LZTFL1: variants seen among roughly 807,000 people sequenced by gnomAD.
The protein encoded by LZTFL1 is leucine zipper transcription factor like 1.
In LZTFL1, 25 loss-of-function variants were observed where a neutral mutation model predicts 45.9. The observed-to-expected ratio is 0.54, with a 90% CI of 0.40 to 0.76. The LOEUF (loss-of-function observed/expected upper bound fraction) is 0.76. Among genes scored for constraint, LZTFL1 ranks in the 30% least tolerant of loss-of-function variants. LZTFL1 has a pLI of 0.00. For synonymous variants in LZTFL1, 93 were observed against 117.4 expected, an observed-to-expected ratio of 0.79 and a Z score of 1.35; for missense variants, 277 against 331.1, an observed-to-expected ratio of 0.84 and a Z score of 1.27.
Position 45,913,193 on chromosome 3 carries a change from A to G in LZTFL1, c.-272-16T>C, listed in dbSNP as rs144489761. The G allele has an allele frequency of 1.4e-4, 208 of 1,494,594 alleles. 1 individual carries two copies. The East Asian group carries it at 4.9e-3, about 35-fold the overall frequency. The allele number at this position is 1,494,594 out of a possible 1,614,324, so 92.6% of individuals were successfully genotyped here. On this transcript the variant is annotated splice_polypyrimidine_tract_variant and intron_variant, in intron 1 of 4. Coordinates refer to the LZTFL1 transcript ENST00000472635. ...CAGCAAGAGCCTAGAAAATTATACA[A>G]TTACACAAATTAAACAATGCTACTA...
chr3:45,848,193 T>C (rs567617014), intron 4 of LZTFL1, among the ~76,000 whole-genome samples: 1 of 152,360 alleles, frequency 6.6e-6, no homozygotes, highest in Admixed American at 6.5e-5. Flanking sequence ...TAATACAAGA[T>C]AAAAAGGTAG....
chr3:45,909,281 C>A (rs1215398724), intron 2 of LZTFL1, among the ~76,000 whole-genome samples: 1 of 152,146 alleles, frequency 6.6e-6, no homozygotes, highest in African/African-American at 2.4e-5. Flanking sequence ...ACCTCTCCAC[C>A]AATGCTGCAG....
At chr3:45,865,548 A>G (rs1278955440) in intron 2 of LZTFL1, among the ~76,000 whole-genome samples, 8 of 152,266 alleles carry the variant, frequency 5.3e-5, no homozygotes, top group Non-Finnish European at 2.9e-5. Flanking sequence ...TGTATGACGA[A>G]CTAGGAAAGG....
At chr3:45,850,474 G>A (rs1320074883) in intron 4 of LZTFL1, among the ~76,000 whole-genome samples, 1 of 152,140 alleles carries the variant, frequency 6.6e-6, no homozygotes, top group African/African-American at 2.4e-5. Flanking sequence ...CACCTTCACT[G>A]GGAAGCTCCA....
At chr3:45,902,457 G>C (rs1255756402) in intron 2 of LZTFL1, 1 of 167,736 alleles carries the variant, frequency 6.0e-6, no homozygotes, top group Non-Finnish European at 1.5e-5. Context: ...TGTTCTCCTT[G>C]TTCTGTTCTG....
At chr3:45,898,141 C>T (rs562563525) in intron 2 of LZTFL1, among the ~76,000 whole-genome samples, 1 of 152,276 alleles carries the variant, frequency 6.6e-6, no homozygotes, top group South Asian at 2.1e-4. Flanking sequence ...ATCCTCCCAA[C>T]CTCTTAAACC....
chr3:45,878,785 G>A (rs73064435), intron 2 of LZTFL1, among the ~76,000 whole-genome samples: 1,691 of 152,306 alleles, frequency 0.011, 15 homozygotes, highest in Middle Eastern at 0.024. Flanking sequence ...AAGACCTAAA[G>A]AGATACTTCA....
At position 45,893,299 on chromosome 3, in the gene LZTFL1, C is replaced by T. The variant is rs6800925; in HGVS notation, c.-215+19821G>A. Reference sequence around the variant, plus strand: ...CCTCCTGAGTAGCTGAGACTACAGGCGCACACCACCACACCTGGCTAATTT... The same window carrying T: ...CCTCCTGAGTAGCTGAGACTACAGGTGCACACCACCACACCTGGCTAATTT... On this transcript the variant is annotated intron_variant, in intron 2 of 4. Transcript: ENST00000472635. Among the ~76,000 whole-genome samples the T allele has an allele frequency of 5.9e-3, 902 of 152,198 alleles. 8 individuals are homozygous for T. Among genetic ancestry groups the T allele is most frequent in the African/African-American group, 0.02 (829 of 41,522 alleles).
chr3:45,902,032 CTTG>C, intron 2 of LZTFL1: 1 of 768,328 alleles, frequency 1.3e-6, no homozygotes, highest in Non-Finnish European at 2.1e-6. Context: ...TATATGATTA[CTTG>C]TAGTCAGAAT....
At chr3:45,894,862 C>T (rs201704049) in intron 2 of LZTFL1, 6 of 1,410,514 alleles carry the variant, frequency 4.3e-6, no homozygotes, top group Admixed American at 1.7e-5. Context: ...TGTTACTATT[C>T]GTTTACAAGC....
chr3:45,901,426 C>T lies in LZTFL1; in HGVS notation c.-215+11694G>A, dbSNP rs2125762362. The T allele has an allele frequency of 1.2e-6, 2 of 1,614,204 alleles. No individual in the cohort carries two copies. Among genetic ancestry groups the T allele is most frequent in the Non-Finnish European group, 1.7e-6 (2 of 1,180,028 alleles). On this transcript the variant is annotated intron_variant, in intron 2 of 4. Transcript: ENST00000472635. The surrounding 1 kb of genome is among the most constrained non-coding windows in gnomAD (Gnocchi z 4.3). The stretch of plus-strand genomic sequence containing the variant: ...GATGAGAGCACCAAACTGAAGTCAG[C>T]TGTCTTGACCCTGAAGGTCATTCTG...
intron 2 of LZTFL1, among the ~76,000 whole-genome samples, chr3:45,888,093 A>G (rs1404195939): frequency 6.6e-6 from 1 of 152,218 alleles, no homozygotes; most frequent in Admixed American, 6.5e-5. Flanking sequence ...ATACAAAAAT[A>G]GTGATTGGAT....
intron 1 of LZTFL1, among the ~76,000 whole-genome samples, chr3:45,914,462 C>T (rs948158660): frequency 5.9e-5 from 9 of 151,966 alleles, no homozygotes; most frequent in Admixed American, 6.6e-5. Context: ...TTGGTAGAGA[C>T]GGGGTCTCCC....
At chr3:45,838,587 A>G (rs1032767187) in intron 1 of LZTFL1, among the ~76,000 whole-genome samples, 1 of 152,258 alleles carries the variant, frequency 6.6e-6, no homozygotes, top group Non-Finnish European at 1.5e-5. Context: ...ACCCCATTAA[A>G]TACAGCTTTA....
intron 2 of LZTFL1, among the ~76,000 whole-genome samples, chr3:45,890,273 T>TAAATATATATATAAC (rs1559421352): frequency 0.021 from 437 of 20,854 alleles, 34 homozygotes; most frequent in South Asian, 0.064. Context: ...ATATATAACA[T>TAAATATATATATAAC]ATATATATAT....
intron 2 of LZTFL1, chr3:45,895,202 T>C (rs1702314920): frequency 1.9e-6 from 1 of 535,580 alleles, no homozygotes; most frequent in Non-Finnish European, 3.3e-6. Context: ...TATAAACAGC[T>C]AAGGATTTTT....
chr3:45,865,254 G>A (rs770833727), intron 2 of LZTFL1, among the ~76,000 whole-genome samples: 1 of 152,214 alleles, frequency 6.6e-6, no homozygotes, highest in Non-Finnish European at 1.5e-5. Context: ...TTCAGAGGAA[G>A]GGTAAACAGA....
chr3:45,904,416 G>A (rs1029209646), intron 2 of LZTFL1, among the ~76,000 whole-genome samples: 5 of 152,192 alleles, frequency 3.3e-5, no homozygotes, highest in African/African-American at 7.2e-5. Flanking sequence ...AGGACTGGAC[G>A]CCAATGCTTT....
intron 3 of LZTFL1, among the ~76,000 whole-genome samples, chr3:45,856,627 G>A (rs1006639000): frequency 1.3e-5 from 2 of 151,868 alleles, no homozygotes; most frequent in Admixed American, 1.3e-4. Context: ...GTTTTCAATC[G>A]ATCCATCTAA....
Sources: allele counts gnomAD v4.1 joint callset (sites outside exome capture counted in the v4.1 genomes callset), GRCh38; gene constraint gnomAD v4.1.1; non-coding constraint Gnocchi (gnomAD v3.1); transcripts MANE v1.5; gene names NCBI Gene and HGNC (gene_info 2026-07-23, HGNC 2026-07-21).